FLG: variants seen among roughly 807,000 people sequenced by gnomAD.
FLG encodes epidermal filaggrin.
Under a neutral mutation model 3.8 loss-of-function variants are expected in FLG, and 6 were observed. That is an observed-to-expected ratio of 1.60 (90% CI 0.87 to 3.15). The LOEUF (loss-of-function observed/expected upper bound fraction) is 3.15. Among genes scored for constraint, FLG ranks in the 30% most tolerant of loss-of-function variants. FLG has a pLI of 0.00. For missense variants in FLG, 7,595 were observed against 5,050.9 expected, an observed-to-expected ratio of 1.50 and a Z score of -15.27; for synonymous variants, 2,551 against 1,931.6, an observed-to-expected ratio of 1.32 and a Z score of -8.41.
In FLG at chr1:152,311,103, C is replaced by G; in HGVS notation, c.3783G>C (p.Arg1261Ser). The change falls in exon 3 of 3, where the codon AGG becomes AGC. Residue 1261 changes from arginine to serine, a missense_variant. Physicochemically the swap from Arg to Ser is moderately radical, Grantham distance 110. Coordinates refer to ENST00000368799, the MANE Select transcript of FLG (RefSeq NM_002016.2). The stretch of plus-strand genomic sequence containing the variant: ...CACTGGATCCCTGGTGCCTGCTTGT[C>G]CTGGACCCCGATGATTGTTCCTGTC... ...QVGQEQSSGS[R>S]TSRHQGSSVS... 6.2e-7 allele frequency: 1 copy of G among 1,613,874 alleles called. No individual in the cohort carries two copies. Among genetic ancestry groups the G allele is most frequent in the Non-Finnish European group, 8.5e-7 (1 of 1,179,976 alleles).
chr1:152,303,028 G>A lies in FLG; in HGVS notation c.11858C>T (p.Ser3953Phe), dbSNP rs1182053360. The change falls in exon 3 of 3, where the codon TCT becomes TTT. Residue 3953 changes from serine to phenylalanine, a missense_variant. Physicochemically the swap from Ser to Phe is radical, Grantham distance 155 (BLOSUM62 -2). Coordinates refer to ENST00000368799, the MANE Select transcript of FLG (RefSeq NM_002016.2). Reference protein sequence around the residue: ...GIQSRGSPHSSSSYHYQSEGT... With the variant: ...GIQSRGSPHSFSSYHYQSEGT... Reference sequence around the variant, plus strand: ...CTCAGATTGATAATGATAAGAACTAGAACTGTGAGGACTGCCACGTGACTG... The same window carrying A: ...CTCAGATTGATAATGATAAGAACTAAAACTGTGAGGACTGCCACGTGACTG... 8.1e-6 allele frequency: 13 copies of A among 1,614,148 alleles called. No individual in the cohort carries two copies. The highest frequency in any genetic ancestry group is 1.1e-5 in the Non-Finnish European group (13 of 1,180,022).
chr1:152,308,043 G>T lies in FLG; in HGVS notation c.6843C>A (p.His2281Gln), dbSNP rs78209692. 4 of 1,614,160 alleles carry T rather than the reference G, an allele frequency of 2.5e-6. No individual in the cohort carries two copies. Among genetic ancestry groups the T allele is most frequent in the Non-Finnish European group, 2.5e-6 (3 of 1,180,038 alleles). Residue 2281 changes from histidine (H) to glutamine (Q), a missense_variant, in exon 3 of 3, where the codon CAC (histidine) becomes CAA (glutamine). Coordinates refer to ENST00000368799, the MANE Select transcript of FLG (RefSeq NM_002016.2). ...CTCTGTCTTCGTGATGGGACCTGGG[G>T]TGTCTGGAGCCATCTCTTGACTGCT... ...AQEQSRDGSR[H>Q]PRSHHEDRAG...
chr1:152,310,714 C>A lies in FLG; in HGVS notation c.4172G>T (p.Ser1391Ile). 6.2e-7 allele frequency: 1 copy of A among 1,614,106 alleles called. No individual in the cohort carries two copies. Among genetic ancestry groups the A allele is most frequent in the Non-Finnish European group, 8.5e-7 (1 of 1,180,034 alleles). The change falls in exon 3 of 3, where the codon AGT (serine) becomes ATT (isoleucine). Residue 1391 changes from serine to isoleucine, a missense_variant. Ser to Ile is a moderately radical substitution (Grantham distance 142). Transcript: ENST00000368799. Reference sequence around the variant, plus strand: ...CTCACTGTTAGTGACCTGACTACCACTGGACCCTCGGTGTCCACTGTCTCT... The same window carrying A: ...CTCACTGTTAGTGACCTGACTACCAATGGACCCTCGGTGTCCACTGTCTCT... The part of the protein sequence containing the change: ...AVRDSGHRGS[S>I]GSQVTNSEGH...
At position 152,313,301 on chromosome 1, in the gene FLG, C is replaced by G; in HGVS notation, c.1585G>C (p.Gly529Arg). The G allele has an allele frequency of 1.2e-6, 2 of 1,613,718 alleles. No homozygotes were observed. Among genetic ancestry groups the G allele is most frequent in the Non-Finnish European group, 1.7e-6 (2 of 1,179,960 alleles). ...HPGSSRGGRQGSHHEQSVNRS... is the reference protein window; with the variant it reads ...HPGSSRGGRQRSHHEQSVNRS... ...TTTACCGATTGCTCGTGGTGGGATC[C>G]CTGCCTTCCTCCTCTGCTTGACCCC... Residue 529 changes from glycine (G) to arginine (R), a missense_variant, in exon 3 of 3, where the codon GGA becomes CGA. By Grantham distance (125) the Gly-to-Arg change is moderately radical. Coordinates refer to ENST00000368799, the MANE Select transcript of FLG (RefSeq NM_002016.2).
At position 152,309,187 on chromosome 1, in the gene FLG, A is replaced by C. The variant is rs557165533; in HGVS notation, c.5699T>G (p.Val1900Gly). 4 of 1,611,440 alleles carry C rather than the reference A, an allele frequency of 2.5e-6. No homozygotes were observed. The highest frequency in any genetic ancestry group is 3.4e-6 in the Non-Finnish European group (4 of 1,179,652). The change falls in exon 3 of 3, where the codon GTG (valine) becomes GGG (glycine). Residue 1900 changes from valine to glycine, a missense_variant. Coordinates refer to ENST00000368799, the MANE Select transcript of FLG (RefSeq NM_002016.2). ...GGGCCCTGATGATTGTCCCTGGCCC[A>C]CCTGCGAGTGTCTAGAGCTGTCGGC... ...SRADSSRHSQVGQGQSSGPRT... is the reference protein window; with the variant it reads ...SRADSSRHSQGGQGQSSGPRT...
rs888377252 is a variant in FLG, at chr1:152,310,129, G to A, written c.4757C>T (p.Thr1586Ile). 2.5e-6 allele frequency: 4 copies of A among 1,613,936 alleles called. No individual in the cohort carries two copies. The South Asian group carries it at 4.4e-5, about 18-fold the overall frequency. The change falls in exon 3 of 3, where the codon ACA (threonine) becomes ATA (isoleucine). Residue 1586 changes from threonine (T) to isoleucine (I), a missense_variant. Thr to Ile is a moderately conservative substitution (Grantham distance 89). Coordinates refer to ENST00000368799, the MANE Select transcript of FLG (RefSeq NM_002016.2). ...VGQGESAGSK[T>I]SRRQGSSVSQ... ...AACACTGGATCCCTGGCGCCTGCTTGTCTTGGACCCCGCTGATTCTCCCTG... is the reference window on the plus strand; with the variant it reads ...AACACTGGATCCCTGGCGCCTGCTTATCTTGGACCCCGCTGATTCTCCCTG...
intron 1 of FLG, among the ~76,000 whole-genome samples, chr1:152,319,449 A>G (rs898859573): frequency 6.6e-6 from 1 of 151,308 alleles, no homozygotes; most frequent in Non-Finnish European, 1.5e-5. Flanking sequence ...ATTTTCTAAA[A>G]CTGATGAAAG....
Position 152,302,443 on chromosome 1 carries a change from T to C in FLG, c.*257A>G. ...AAACATTACTTGACCCAGAATCTCC[T>C]AAAATACTCCAGCTAGTTTTCTAAA... On this transcript the variant is annotated 3_prime_UTR_variant, in exon 3 of 3. Transcript: ENST00000368799. 1 of 499,864 alleles carries C rather than the reference T, an allele frequency of 2.0e-6. No individual in the cohort carries two copies. Among genetic ancestry groups the C allele is most frequent in the Non-Finnish European group, 3.5e-6 (1 of 284,608 alleles). 31.0% of individuals were successfully genotyped at this position (499,864 alleles called of 1,614,324 possible).
chr1:152,303,620 C>T lies in FLG; in HGVS notation c.11266G>A (p.Asp3756Asn). Residue 3756 changes from aspartate (D) to asparagine (N), a missense_variant, in exon 3 of 3, where the codon GAC (aspartate) becomes AAC (asparagine). By Grantham distance (23) the Asp-to-Asn change is conservative. Coordinates refer to ENST00000368799, the MANE Select transcript of FLG (RefSeq NM_002016.2). ...GACCCCGGGTGTCCACGAATGGTGT[C>T]CTGACCCTCTTGGGACGCTGAGTGC... ...SRHSASQEGQDTIRGHPGSRR... is the reference protein window; with the variant it reads ...SRHSASQEGQNTIRGHPGSRR... 1.2e-6 allele frequency: 2 copies of T among 1,614,056 alleles called. No individual in the cohort carries two copies. The highest frequency in any genetic ancestry group is 1.7e-6 in the Non-Finnish European group (2 of 1,179,978).
Position 152,303,080 on chromosome 1 carries a change from G to C in FLG, c.11806C>G (p.Gln3936Glu). 1.9e-6 allele frequency: 3 copies of C among 1,614,172 alleles called. No homozygotes were observed. Among genetic ancestry groups the C allele is most frequent in the Non-Finnish European group, 2.5e-6 (3 of 1,180,034 alleles). Residue 3936 changes from glutamine to glutamate, a missense_variant, in exon 3 of 3, where the codon CAA becomes GAA. Transcript: ENST00000368799. Reference protein sequence around the residue: ...KEHGHFSSLSQDSAYHSGIQS... With the variant: ...KEHGHFSSLSEDSAYHSGIQS... Reference sequence around the variant, plus strand: ...ATTCCTGAGTGATACGCAGAATCTTGTGAAAGACTACTAAAGTGACCATGT... The same window carrying C: ...ATTCCTGAGTGATACGCAGAATCTTCTGAAAGACTACTAAAGTGACCATGT...
chr1:152,308,536 G>A lies in FLG; in HGVS notation c.6350C>T (p.Ser2117Phe), dbSNP rs1198846753. Residue 2117 changes from serine (S) to phenylalanine (F), a missense_variant, in exon 3 of 3, where the codon TCC becomes TTC. Ser to Phe is a radical substitution (Grantham distance 155). Coordinates refer to ENST00000368799, the MANE Select transcript of FLG (RefSeq NM_002016.2). ...GCTGTCTTGTGCCTGATCATAATGGGATCCTTGTCTTCCTCCAGTGCTGGG... is the reference window on the plus strand; with the variant it reads ...GCTGTCTTGTGCCTGATCATAATGGAATCCTTGTCTTCCTCCAGTGCTGGG... ...SAPSTGGRQGSHYDQAQDSSR... is the reference protein window; with the variant it reads ...SAPSTGGRQGFHYDQAQDSSR... 2.5e-6 allele frequency: 4 copies of A among 1,613,700 alleles called. No homozygotes were observed. The highest frequency in any genetic ancestry group is 2.2e-5 in the East Asian group (1 of 44,864).
chr1:152,313,794 G>T lies in FLG; in HGVS notation c.1092C>A (p.Ser364=). The change falls in exon 3 of 3, where the codon TCC becomes TCA. Residue 364 remains serine (S), a synonymous_variant. Transcript: ENST00000368799. ...GGGATGATGCAGTCTGTCCACGAGA[G>T]GAAGTCTCTGCGTGACGAGTGCCTG... ...RQSGTRHAET[S]SRGQTASSHE... is the part of the protein sequence containing the mutation. The T allele has an allele frequency of 6.2e-7, 1 of 1,614,094 alleles. No homozygotes were observed. Among genetic ancestry groups the T allele is most frequent in the Non-Finnish European group, 8.5e-7 (1 of 1,180,010 alleles).
rs747747747 is a variant in FLG at position 152,304,812 on chromosome 1, A to G, written c.10074T>C (p.His3358=). 53 of 1,613,198 alleles carry G rather than the reference A, an allele frequency of 3.3e-5. 2 individuals carry two copies. Among genetic ancestry groups the G allele is most frequent in the East Asian group, 1.6e-4 (7 of 44,820 alleles). ...TCTGCTGATGGGGCCCAGCCTGTCCATGGCCTGACACTGACTGTGTGTCTG... is the reference window on the plus strand; with the variant it reads ...TCTGCTGATGGGGCCCAGCCTGTCCGTGGCCTGACACTGACTGTGTGTCTG... The part of the protein sequence containing the change: ...EESDTQSVSG[H]GQAGPHQQSH... The change falls in exon 3 of 3, where the codon CAT becomes CAC. Residue 3358 remains histidine, a synonymous_variant. Transcript: ENST00000368799.
rs745409505 is a variant in FLG, at chr1:152,303,746, C to A, written c.11140G>T (p.Val3714Leu). ...GACTCAGACTGTTCATGAGTGCTCACCTGGTAGAGGAAAGACCCTGAACGT... is the reference window on the plus strand; with the variant it reads ...GACTCAGACTGTTCATGAGTGCTCAACTGGTAGAGGAAAGACCCTGAACGT... ...SGRSGSFLYQ[V>L]STHEQSESAH... Residue 3714 changes from valine (V) to leucine (L), a missense_variant, in exon 3 of 3, where the codon GTG (valine) becomes TTG (leucine). Physicochemically the swap from Val to Leu is conservative, Grantham distance 32 (BLOSUM62 1). Transcript: ENST00000368799. The A allele has an allele frequency of 1.2e-5, 19 of 1,613,590 alleles. No individual in the cohort carries two copies. Among genetic ancestry groups the A allele is most frequent in the Admixed American group, 5.0e-5 (3 of 59,958 alleles).
chr1:152,309,489 G>A lies in FLG; in HGVS notation c.5397C>T (p.Asp1799=). The A allele has an allele frequency of 6.2e-6, 10 of 1,613,942 alleles. No homozygotes were observed. Among genetic ancestry groups the A allele is most frequent in the Non-Finnish European group, 8.5e-6 (10 of 1,179,998 alleles). Residue 1799 remains aspartate (D), a synonymous_variant, in exon 3 of 3, where the codon GAC becomes GAT. Transcript: ENST00000368799. The part of the protein sequence containing the change: ...RQRSRHEQAR[D]SSRHSASQEG... Reference sequence around the variant, plus strand: ...CTTGGGACGCTGAGTGCCTGGAGCTGTCTCGTGCCTGCTCGTGGCGGGATC... The same window carrying A: ...CTTGGGACGCTGAGTGCCTGGAGCTATCTCGTGCCTGCTCGTGGCGGGATC...
rs767191408 is a variant in FLG at position 152,314,701 on chromosome 1, T to A, written c.185A>T (p.Asp62Val). 6.2e-7 allele frequency: 1 copy of A among 1,613,988 alleles called. No homozygotes were observed. Among genetic ancestry groups the A allele is most frequent in the South Asian group, 1.1e-5 (1 of 91,082 alleles). The change falls in exon 3 of 3, where the codon GAT becomes GTT. Residue 62 changes from aspartate (D) to valine (V), a missense_variant. Transcript: ENST00000368799. Reference sequence around the variant, plus strand: ...GTCAATTTTCTTGTTGTGGTCTATATCCAAGTGATCCATGAAGACATCAAC... The same window carrying A: ...GTCAATTTTCTTGTTGTGGTCTATAACCAAGTGATCCATGAAGACATCAAC... ...DMVDVFMDHL[D>V]IDHNKKIDFT...
rs147145635 is a variant in FLG at position 152,312,152 on chromosome 1, G to C, written c.2734C>G (p.Arg912Gly). The C allele has an allele frequency of 6.2e-6, 10 of 1,614,006 alleles. No homozygotes were observed. In the South Asian group the frequency reaches 9.9e-5, roughly 16 times the overall value. The change falls in exon 3 of 3, where the codon CGT (arginine) becomes GGT (glycine). Residue 912 changes from arginine to glycine, a missense_variant. Transcript: ENST00000368799. ...SRDGSRHSGS[R>G]HHEASSHADI... is the part of the protein sequence containing the mutation. Reference sequence around the variant, plus strand: ...GCATGAGAGGAAGCTTCATGGTGACGTGACCCTGAGTGCCTGGAGCCGTCT... The same window carrying C: ...GCATGAGAGGAAGCTTCATGGTGACCTGACCCTGAGTGCCTGGAGCCGTCT...
At chr1:152,318,060 A>G (rs1266988895) in intron 1 of FLG, among the ~76,000 whole-genome samples, 1 of 151,778 alleles carries the variant, frequency 6.6e-6, no homozygotes, top group East Asian at 1.9e-4. Flanking sequence ...TATTTTTATC[A>G]CCACAGAAAC....
At chr1:152,324,107 C>T (rs1653067905) in intron 1 of FLG, among the ~76,000 whole-genome samples, 1 of 151,616 alleles carries the variant, frequency 6.6e-6, no homozygotes, top group Non-Finnish European at 1.5e-5. Context: ...TATGAGCAAA[C>T]AGTTATTTCT....
Sources: allele counts gnomAD v4.1 joint callset (sites outside exome capture counted in the v4.1 genomes callset), GRCh38; gene constraint gnomAD v4.1.1; transcripts MANE v1.5; gene names NCBI Gene and HGNC (gene_info 2026-07-23, HGNC 2026-07-21).